The following ENO4 variants were observed in gnomAD, a reference collection of about 807,000 sequenced individuals.
The protein encoded by ENO4 is 2-phospho-D-glycerate hydro-lyase.
A neutral mutation model predicts 63.2 loss-of-function variants in ENO4; 53 were observed. The ratio of observed to expected loss-of-function variants is 0.84; its 90% CI spans 0.67 to 1.05. The LOEUF (loss-of-function observed/expected upper bound fraction) is 1.05, where lower values mean the gene tolerates loss of function less well. ENO4 is among the 50% of genes least tolerant of loss of function. The pLI is 0.00. For synonymous variants in ENO4, 266 were observed against 283.8 expected, an observed-to-expected ratio of 0.94 and a Z score of 0.63; for missense variants, 719 against 772.0, an observed-to-expected ratio of 0.93 and a Z score of 0.81.
chr10:116,901,833 G>C, intron 10 of ENO4: 1 of 1,604,558 alleles, frequency 6.2e-7, no homozygotes. Context: ...CAGGTGTTGG[G>C]GGGGACGGGC....
Position 116,882,406 on chromosome 10 carries a change from A to AT in ENO4, c.*737_*738insT, listed in dbSNP as rs1847047524. Reference sequence around the variant, plus strand: ...AAGCAATCCGCAAGTGATAAAAAAAAAAAAAAAAAATGATGTGACATATCC... The same window carrying AT: ...AAGCAATCCGCAAGTGATAAAAAAAATAAAAAAAAAATGATGTGACATATCC... On this transcript the variant is annotated 3_prime_UTR_variant, in exon 14 of 14. Coordinates refer to ENST00000341276, the MANE Select transcript of ENO4 (RefSeq NM_001242699.2). 1 of 134,660 alleles carries AT rather than the reference A, an allele frequency of 7.4e-6. No homozygotes were observed. Among genetic ancestry groups the AT allele is most frequent in the African/African-American group, 2.8e-5 (1 of 35,584 alleles). 8.3% of individuals were successfully genotyped at this position (134,660 alleles called of 1,614,324 possible).
chr10:116,886,335 G>T, downstream of ENO4: 1 of 1,552,526 alleles, frequency 6.4e-7, no homozygotes, highest in Non-Finnish European at 8.7e-7. Context: ...CAGGCTTCTG[G>T]TTTATGGATC....
chr10:116,882,670 A>AGCACACTGAG (rs1446527577), downstream of ENO4: 2 of 152,218 alleles, frequency 1.3e-5, no homozygotes, highest in Non-Finnish European at 2.9e-5. Context: ...ATTTTTATTA[A>AGCACACTGAG]GCACACTGAG....
intron 4 of ENO4, among the ~76,000 whole-genome samples, chr10:116,860,260 G>C (rs1050851319): frequency 3.3e-5 from 5 of 152,204 alleles, no homozygotes; most frequent in Admixed American, 3.3e-4. Flanking sequence ...AGATGGGTAA[G>C]GAATGTGGGT....
Position 116,861,041 on chromosome 10 carries a change from G to GT in ENO4, c.805-14dup. On this transcript the variant is annotated splice_polypyrimidine_tract_variant and intron_variant, in intron 5 of 13. Transcript: ENST00000341276. ...TGAACCCTGTTTCTCATTTTCCCTC[G>GT]TTTTCCCCCTATTTCAGGAACAGCC... 2 of 1,542,330 alleles carry GT rather than the reference G, an allele frequency of 1.3e-6. No homozygotes were observed. Among genetic ancestry groups the GT allele is most frequent in the Non-Finnish European group, 1.8e-6 (2 of 1,142,416 alleles).
intron 1 of ENO4, among the ~76,000 whole-genome samples, chr10:116,854,332 G>A (rs546194158): frequency 6.6e-6 from 1 of 152,226 alleles, no homozygotes; most frequent in East Asian, 1.9e-4. Flanking sequence ...GGCTGAGGCA[G>A]GCGGATCACG....
In ENO4 at chr10:116,870,983, T is replaced by C. The variant is rs1846677319; in HGVS notation, c.1048-142T>C. 8 of 696,492 alleles carry C rather than the reference T, an allele frequency of 1.1e-5. No individual in the cohort carries two copies. In the South Asian group the frequency reaches 1.8e-4, roughly 16 times the overall value. 43.1% of individuals were successfully genotyped at this position (696,492 alleles called of 1,614,324 possible). On this transcript the variant is annotated intron_variant, in intron 8 of 13. Transcript: ENST00000341276. ...GGGGAATCATATGCCCTAAGTCATG[T>C]GAATCAATCCTAAGTAGGATTGAGA...
chr10:116,872,883 TTC>T (rs761328187), intron 9 of ENO4, among the ~76,000 whole-genome samples: 1 of 152,200 alleles, frequency 6.6e-6, no homozygotes, highest in Non-Finnish European at 1.5e-5. Flanking sequence ...CTTCTAAAAG[TTC>T]TTTTACTTTT....
intron 10 of ENO4, chr10:116,900,297 T>C: frequency 1.8e-6 from 1 of 540,600 alleles, no homozygotes; most frequent in East Asian, 2.9e-5. Context: ...ATGTGTCTCT[T>C]AAGCAGTCAT....
chr10:116,881,441 TC>T, intron 13 of ENO4, 73 bp from the exon 14 acceptor site: 1 of 1,168,998 alleles, frequency 8.6e-7, no homozygotes, highest in Non-Finnish European at 1.2e-6. Context: ...GAAGATGATC[TC>T]CTTCAACTTA....
At chr10:116,893,168 T>G (rs1847392355) in intron 10 of ENO4, among the ~76,000 whole-genome samples, 1 of 152,152 alleles carries the variant, frequency 6.6e-6, no homozygotes, top group Non-Finnish European at 1.5e-5. Context: ...CTCAGAACAC[T>G]TGTAAGACAA....
At position 116,882,396 on chromosome 10, in the gene ENO4, G is replaced by C. The variant is rs1847045509; in HGVS notation, c.*727G>C. On this transcript the variant is annotated 3_prime_UTR_variant, in exon 14 of 14. Coordinates refer to ENST00000341276, the MANE Select transcript of ENO4 (RefSeq NM_001242699.2). ...AGCATTTAAAAAGCAATCCGCAAGTGATAAAAAAAAAAAAAAAAAATGATG... is the reference window on the plus strand; with the variant it reads ...AGCATTTAAAAAGCAATCCGCAAGTCATAAAAAAAAAAAAAAAAAATGATG... 9.4e-6 allele frequency: 1 copy of C among 106,396 alleles called. No homozygotes were observed. The highest frequency in any genetic ancestry group is 1.9e-5 in the Non-Finnish European group (1 of 53,356). 6.6% of individuals were successfully genotyped at this position (106,396 alleles called of 1,614,324 possible).
chr10:116,884,424 C>T, downstream of ENO4: 1 of 361,458 alleles, frequency 2.8e-6, no homozygotes, highest in South Asian at 2.0e-5. Context: ...TTAAAAAAGG[C>T]AGGAATACTT....
intron 7 of ENO4, 48 bp from the exon 8 acceptor site, chr10:116,868,602 G>A (rs972714586): frequency 6.6e-7 from 1 of 1,505,292 alleles, no homozygotes; most frequent in African/African-American, 1.4e-5. Context: ...TGCTGCCACA[G>A]CCATGCTAAA....
chr10:116,880,446 T>C lies in ENO4; in HGVS notation c.1723+460T>C, dbSNP rs537819445. ...AAGAGAAATCGATCATTTAATGAAATTGAACCTTTGTAAATCTGCATGGTT... is the reference window on the plus strand; with the variant it reads ...AAGAGAAATCGATCATTTAATGAAACTGAACCTTTGTAAATCTGCATGGTT... On this transcript the variant is annotated intron_variant, in intron 13 of 13. Coordinates refer to ENST00000341276, the MANE Select transcript of ENO4 (RefSeq NM_001242699.2). Among the ~76,000 whole-genome samples the C allele has an allele frequency of 2.6e-4, 39 of 152,322 alleles. No homozygotes were observed. The East Asian group carries it at 3.1e-3, about 12-fold the overall frequency.
chr10:116,878,694 C>T (rs1211763452), intron 11 of ENO4, among the ~76,000 whole-genome samples: 1 of 126,700 alleles, frequency 7.9e-6, no homozygotes, highest in Non-Finnish European at 1.9e-5. Flanking sequence ...ATCCCCCTAC[C>T]CCCTTTTAGT....
intron 7 of ENO4, among the ~76,000 whole-genome samples, chr10:116,864,694 G>A (rs1263192347): frequency 1.3e-5 from 2 of 152,076 alleles, no homozygotes; most frequent in Non-Finnish European, 2.9e-5. Context: ...GTTAAAAATT[G>A]AGTGTGGCCT....
chr10:116,860,305 G>A (rs1251084736), intron 4 of ENO4, among the ~76,000 whole-genome samples: 2 of 152,188 alleles, frequency 1.3e-5, no homozygotes, highest in African/African-American at 4.8e-5. Context: ...GCTAAAGAAC[G>A]TAAATGACAC....
chr10:116,889,595 G>A (rs1222118849), intron 10 of ENO4, among the ~76,000 whole-genome samples: 1 of 152,166 alleles, frequency 6.6e-6, no homozygotes, highest in Non-Finnish European at 1.5e-5. Flanking sequence ...ATGAAGAGGG[G>A]AAGGAACTGG....
Sources: gnomAD v4.1 joint callset for allele counts (sites outside exome capture counted in the v4.1 genomes callset) on GRCh38, gnomAD v4.1.1 for gene constraint, MANE v1.5 for transcripts, NCBI Gene and HGNC (gene_info 2026-07-23, HGNC 2026-07-21) for gene names.